UBR1: variants seen among roughly 807,000 people sequenced by gnomAD.
UBR1 encodes E3 ubiquitin-protein ligase UBR1.
Under a neutral mutation model 242.1 loss-of-function variants are expected in UBR1, and 102 were observed. That is an observed-to-expected ratio of 0.42 (90% confidence interval 0.36 to 0.50). The LOEUF is 0.50. UBR1 is among the 20% of genes least tolerant of loss of function. The pLI is 0.01. For missense variants in UBR1, 1,772 were observed against 2,101.8 expected, an observed-to-expected ratio of 0.84 and a Z score of 3.07; for synonymous variants, 675 against 684.8, an observed-to-expected ratio of 0.99 and a Z score of 0.22.
intron 1 of UBR1, chr15:43,091,970 C>T: frequency 2.2e-6 from 1 of 447,860 alleles, no homozygotes; most frequent in South Asian, 1.6e-5. Context: ...CCTGTGGTCC[C>T]AGCTATTCGG....
Position 43,071,034 on chromosome 15 carries a change from C to T in UBR1, c.529-109G>A, listed in dbSNP as rs984004957. The T allele has an allele frequency of 4.3e-5, 61 of 1,416,384 alleles. 2 individuals are homozygous for T. In the South Asian group the frequency reaches 5.6e-4, roughly 13 times the overall value. The allele number at this position is 1,416,384 out of a possible 1,614,324, so 87.7% of individuals were successfully genotyped here. ...CACTTTGCTGAATTCATTACAACAT[C>T]GTCCAGGAATGAATTCAAGTTGAGC... is the stretch of plus-strand genomic sequence containing the variant. On this transcript the variant is annotated intron_variant, in intron 4 of 46. Coordinates refer to ENST00000290650, the MANE Select transcript of UBR1 (RefSeq NM_174916.3).
chr15:42,957,906 CAAACAAAA>C (rs939966157), intron 44 of UBR1, 99 bp downstream of exon 44: 3 of 1,035,346 alleles, frequency 2.9e-6, no homozygotes, highest in South Asian at 2.7e-5. Flanking sequence ...CAAACCAAAA[CAAACAAAA>C]AAACAAAAAC....
At chr15:43,002,394 T>G (rs2032739774) in intron 32 of UBR1, among the ~76,000 whole-genome samples, 161 bp downstream of exon 32, 1 of 151,922 alleles carries the variant, frequency 6.6e-6, no homozygotes, top group South Asian at 2.1e-4. Flanking sequence ...TTTTTTTTTG[T>G]ATTTTTTGTA....
At chr15:42,974,749 T>C (rs892238648) in intron 39 of UBR1, among the ~76,000 whole-genome samples, 1 of 151,960 alleles carries the variant, frequency 6.6e-6, no homozygotes. Flanking sequence ...GCTGGGACTA[T>C]AGGCATGTGC....
At chr15:43,090,561 T>C (rs1340202520) in intron 1 of UBR1, among the ~76,000 whole-genome samples, 1 of 151,884 alleles carries the variant, frequency 6.6e-6, no homozygotes, top group Non-Finnish European at 1.5e-5. Flanking sequence ...AACATAGAGA[T>C]AATATCTAAT....
intron 3 of UBR1, among the ~76,000 whole-genome samples, chr15:43,081,110 G>A (rs1163955974): frequency 6.6e-6 from 1 of 152,018 alleles, no homozygotes; most frequent in East Asian, 1.9e-4. Flanking sequence ...ATACCATATT[G>A]CATTTCCACC....
rs1050858981 is a variant in UBR1 at position 43,059,336 on chromosome 15, A to G, written c.986-144T>C. The G allele has an allele frequency of 6.7e-6, 5 of 744,406 alleles. No homozygotes were observed. The South Asian group carries it at 7.5e-5, about 11-fold the overall frequency. The allele number at this position is 744,406 out of a possible 1,614,324, so 46.1% of individuals were successfully genotyped here. On this transcript the variant is annotated intron_variant, in intron 8 of 46. Coordinates refer to ENST00000290650, the MANE Select transcript of UBR1 (RefSeq NM_174916.3). ...CACCTCAGCCTCTCACAGTGCTGGC[A>G]TTACAGACATGAGCCCCTGTACTCA...
chr15:42,964,159 T>G (rs576250406), intron 41 of UBR1, 116 bp from the exon 42 acceptor site: 1 of 774,724 alleles, frequency 1.3e-6, no homozygotes, highest in East Asian at 2.9e-5. Flanking sequence ...AGAGGGTATA[T>G]TGCTTATTCT....
At chr15:43,070,667 G>T in intron 5 of UBR1, 128 bp downstream of exon 5, 1 of 1,394,446 alleles carries the variant, frequency 7.2e-7, no homozygotes, top group Non-Finnish European at 1.0e-6. Flanking sequence ...ATATTCCCAA[G>T]AGATAAGTCA....
chr15:43,105,064 A>G (rs2034281117), intron 1 of UBR1, among the ~76,000 whole-genome samples: 1 of 152,222 alleles, frequency 6.6e-6, no homozygotes, highest in African/African-American at 2.4e-5. Flanking sequence ...TTTTTATTAA[A>G]CTACAAGCCA....
At chr15:43,038,608 G>A (rs1199509983) in intron 15 of UBR1, among the ~76,000 whole-genome samples, 2 of 152,040 alleles carry the variant, frequency 1.3e-5, no homozygotes, top group Non-Finnish European at 2.9e-5. Flanking sequence ...AAGAAAGAAA[G>A]AAACTTGTGT....
At chr15:42,962,437 C>T (rs2032038437) in intron 42 of UBR1, among the ~76,000 whole-genome samples, 1 of 152,100 alleles carries the variant, frequency 6.6e-6, no homozygotes, top group Non-Finnish European at 1.5e-5. Context: ...GAGCTGCCGT[C>T]ACCATCAGAG....
intron 2 of UBR1, among the ~76,000 whole-genome samples, chr15:43,083,778 C>A (rs1318200000): frequency 6.6e-6 from 1 of 151,978 alleles, no homozygotes; most frequent in African/African-American, 2.4e-5. Flanking sequence ...CTTGGTGGCT[C>A]ACACCTGTAA....
intron 3 of UBR1, among the ~76,000 whole-genome samples, chr15:43,076,157 T>A (rs542626591): frequency 2.0e-5 from 3 of 151,632 alleles, no homozygotes; most frequent in Non-Finnish European, 3.0e-5. Context: ...GTTTTTTTTT[T>A]TTTTGGTGGA....
rs781600408 is a variant in UBR1 at position 43,060,085 on chromosome 15, A to G, written c.828T>C (p.Tyr276=). The change falls in exon 7 of 47, where the codon TAT becomes TAC. Residue 276 remains tyrosine, a synonymous_variant. Coordinates refer to ENST00000290650, the MANE Select transcript of UBR1 (RefSeq NM_174916.3). ...EGRRAVKAGA[Y]AACQEAKEDI... ...CTTCCTTTGCTTCCTGGCAAGCAGC[A>G]TAAGCTCCCGCTTTAACAGCCCGAC... 21 of 1,614,048 alleles carry G rather than the reference A, an allele frequency of 1.3e-5. No homozygotes were observed. In the African/African-American group the frequency reaches 2.7e-4, roughly 21 times the overall value.
At chr15:42,999,254 A>C (rs1368827343) in intron 32 of UBR1, among the ~76,000 whole-genome samples, 4 of 152,122 alleles carry the variant, frequency 2.6e-5, no homozygotes, top group Non-Finnish European at 5.9e-5. Flanking sequence ...TTTGCTCTTG[A>C]TATAGCCTGT....
intron 1 of UBR1, 91 bp downstream of exon 1, chr15:43,105,851 G>A: frequency 7.8e-7 from 1 of 1,283,458 alleles, no homozygotes; most frequent in Non-Finnish European, 1.1e-6. Flanking sequence ...CCTCCCCAGA[G>A]CCGCCATAAG....
At chr15:43,003,092 G>T (rs1596094780) in intron 31 of UBR1, among the ~76,000 whole-genome samples, 1 of 152,072 alleles carries the variant, frequency 6.6e-6, no homozygotes, top group Admixed American at 6.6e-5. Context: ...CTACACAAAA[G>T]ATTTCTCAGG....
chr15:43,041,045 A>G (rs1488797348), intron 15 of UBR1, among the ~76,000 whole-genome samples: 2 of 152,214 alleles, frequency 1.3e-5, no homozygotes, highest in South Asian at 2.1e-4. Flanking sequence ...CGATTCCTCA[A>G]GGATCTAGAA....
Sources: allele counts gnomAD v4.1 joint callset (sites outside exome capture counted in the v4.1 genomes callset), GRCh38; gene constraint gnomAD v4.1.1; transcripts MANE v1.5; gene names NCBI Gene and HGNC (gene_info 2026-07-23, HGNC 2026-07-21).